The following CCDC172 variants were observed in gnomAD, a reference collection of about 807,000 sequenced individuals.
The protein encoded by CCDC172 is coiled-coil domain containing 172.
In CCDC172, 30 loss-of-function variants were observed where a neutral mutation model predicts 38.0. The ratio of observed to expected loss-of-function variants is 0.79; its 90% CI spans 0.59 to 1.07. CCDC172 has a LOEUF of 1.07. CCDC172 is among the 50% of genes least tolerant of loss of function. The pLI is 0.00. For synonymous variants in CCDC172, 78 were observed against 88.3 expected (o/e 0.88, Z 0.66); for missense variants, 297 against 290.1 (o/e 1.02, Z -0.17).
intron 3 of CCDC172, among the ~76,000 whole-genome samples, chr10:116,326,568 G>T (rs1441351399): frequency 1.3e-5 from 2 of 152,100 alleles, no homozygotes; most frequent in African/African-American, 2.4e-5. Flanking sequence ...TCCAGGTGTT[G>T]CTCAAACATC....
chr10:116,357,119 AT>A (rs1177315931), intron 5 of CCDC172, among the ~76,000 whole-genome samples: 1 of 151,628 alleles, frequency 6.6e-6, no homozygotes, highest in African/African-American at 2.4e-5. Context: ...TTTAGGATTG[AT>A]TTTTTTTCTA....
intron 5 of CCDC172, among the ~76,000 whole-genome samples, chr10:116,351,150 T>G (rs1195943202): frequency 1.3e-5 from 2 of 152,196 alleles, no homozygotes; most frequent in African/African-American, 2.4e-5. Context: ...GCCTAAGTTT[T>G]ACAAAGATTT....
chr10:116,327,247 T>C (rs1231849813), intron 3 of CCDC172, among the ~76,000 whole-genome samples: 1 of 152,162 alleles, frequency 6.6e-6, no homozygotes, highest in Non-Finnish European at 1.5e-5. Context: ...AATTGAGTAA[T>C]AACAGCATAT....
chr10:116,357,389 C>A lies in CCDC172; in HGVS notation c.458C>A (p.Ser153Ter). Residue 153 changes from serine (S) to a stop codon, truncating the protein, a stop_gained, in exon 6 of 9, where the codon TCA becomes TAA. Coordinates refer to ENST00000333254, the MANE Select transcript of CCDC172 (RefSeq NM_198515.3). LOFTEE classifies it high-confidence loss of function. The stretch of plus-strand genomic sequence containing the variant: ...TTGTATCTGTTTCTAGAAATGAAGT[C>A]AATGGAACATGATAGTAGCCAGTTA... ...QANMLKSEMK[S>*]MEHDSSQLNE... 1 of 1,549,750 alleles carries A rather than the reference C, an allele frequency of 6.5e-7. No individual in the cohort carries two copies. Among genetic ancestry groups the A allele is most frequent in the South Asian group, 1.2e-5 (1 of 81,494 alleles).
At chr10:116,350,098 A>G (rs1028139307) in intron 5 of CCDC172, among the ~76,000 whole-genome samples, 1 of 152,154 alleles carries the variant, frequency 6.6e-6, no homozygotes. Context: ...AGGTCATGAG[A>G]TCAGAGAGGT....
intron 7 of CCDC172, among the ~76,000 whole-genome samples, chr10:116,369,943 C>T (rs1399617831): frequency 6.6e-6 from 1 of 151,862 alleles, no homozygotes; most frequent in Non-Finnish European, 1.5e-5. Context: ...ATATTTGCAA[C>T]TCTTCATTAT....
intron 7 of CCDC172, among the ~76,000 whole-genome samples, chr10:116,371,956 C>G (rs565393141): frequency 1.3e-5 from 2 of 152,084 alleles, no homozygotes; most frequent in African/African-American, 4.8e-5. Flanking sequence ...TTTCCCTACA[C>G]GGGGAAAGAC....
In CCDC172 at chr10:116,379,315, C is replaced by A. The variant is rs1407394581; in HGVS notation, c.742-8C>A. The A allele has an allele frequency of 1.3e-6, 2 of 1,557,788 alleles. No homozygotes were observed. The highest frequency in any genetic ancestry group is 1.4e-5 in the African/African-American group (1 of 73,006). ...TCCTCATGAGTAATTACTATGTTTT[C>A]TTTTCAGACATTGGCACAGAAAGAT... On this transcript the variant is annotated splice_region_variant and splice_polypyrimidine_tract_variant and intron_variant, in intron 8 of 8. Coordinates refer to ENST00000333254, the MANE Select transcript of CCDC172 (RefSeq NM_198515.3).
chr10:116,361,060 T>C (rs1172680549), intron 7 of CCDC172, among the ~76,000 whole-genome samples: 1 of 147,474 alleles, frequency 6.8e-6, no homozygotes, highest in Non-Finnish European at 1.5e-5. Context: ...TTATTATTAT[T>C]ATTATTATTA....
chr10:116,331,199 T>G (rs1412665896), intron 3 of CCDC172, among the ~76,000 whole-genome samples: 1 of 152,170 alleles, frequency 6.6e-6, no homozygotes, highest in African/African-American at 2.4e-5. Flanking sequence ...TGTTTAAAAA[T>G]TTTTCAGTTT....
intron 7 of CCDC172, among the ~76,000 whole-genome samples, chr10:116,366,417 G>A (rs1845122961): frequency 6.6e-6 from 1 of 151,978 alleles, no homozygotes; most frequent in South Asian, 2.1e-4. Context: ...TTTACAGCAT[G>A]CATTTATCAT....
rs1044966764 is a variant in CCDC172 at position 116,357,310 on chromosome 10, G to A, written c.449-70G>A. 7 of 921,428 alleles carry A rather than the reference G, an allele frequency of 7.6e-6. No individual in the cohort carries two copies. The African/African-American group carries it at 1.1e-4, about 14-fold the overall frequency. The allele number at this position is 921,428 out of a possible 1,614,324, so 57.1% of individuals were successfully genotyped here. ...TGTGTTTTATAGTTTTTAGTGTACA[G>A]GTCTTTTACTTCCGGGGTTAAATTT... On this transcript the variant is annotated intron_variant, in intron 5 of 8. Coordinates refer to ENST00000333254, the MANE Select transcript of CCDC172 (RefSeq NM_198515.3).
Position 116,325,324 on chromosome 10 carries a change from G to C in CCDC172, c.101G>C (p.Cys34Ser). The C allele has an allele frequency of 6.2e-7, 1 of 1,613,714 alleles. No individual in the cohort carries two copies. The highest frequency in any genetic ancestry group is 8.5e-7 in the Non-Finnish European group (1 of 1,179,722). Residue 34 changes from cysteine to serine, a missense_variant, in exon 3 of 9, where the codon TGT becomes TCT. Coordinates refer to ENST00000333254, the MANE Select transcript of CCDC172 (RefSeq NM_198515.3). ...MREVRSEITRCREKIKKATEE... is the reference protein window; with the variant it reads ...MREVRSEITRSREKIKKATEE... ...ACAGTAAGGTCGGAAATAACCAGAT[G>C]TCGTGAAAAAATTAAGAAAGCAACG...
At chr10:116,364,466 A>G (rs1299347795) in intron 7 of CCDC172, among the ~76,000 whole-genome samples, 2 of 152,148 alleles carry the variant, frequency 1.3e-5, no homozygotes, top group African/African-American at 4.8e-5. Flanking sequence ...TAAGGAAGAC[A>G]ATGCTAAGTA....
intron 5 of CCDC172, among the ~76,000 whole-genome samples, chr10:116,352,622 G>C (rs1844944630): frequency 6.6e-6 from 1 of 152,012 alleles, no homozygotes; most frequent in Non-Finnish European, 1.5e-5. Flanking sequence ...TCCTCAATCT[G>C]ATAGAGGGCA....
At chr10:116,357,687 A>G in intron 6 of CCDC172, 149 bp from the exon 7 acceptor site, 1 of 656,174 alleles carries the variant, frequency 1.5e-6, no homozygotes. Context: ...TGTGCATGTA[A>G]TTGCTATATT....
chr10:116,374,490 G>GTATATA (rs60781436), intron 7 of CCDC172, among the ~76,000 whole-genome samples: 74 of 150,232 alleles, frequency 4.9e-4, no homozygotes, highest in African/African-American at 1.4e-3. Context: ...TTTATCATAG[G>GTATATA]TATATATATA....
At chr10:116,375,532 G>A (rs1845234936) in intron 7 of CCDC172, among the ~76,000 whole-genome samples, 1 of 148,192 alleles carries the variant, frequency 6.7e-6, no homozygotes, top group African/African-American at 2.5e-5. Flanking sequence ...ACTTATGAGT[G>A]AGAACATGCG....
chr10:116,331,620 C>T (rs1017961891), intron 3 of CCDC172, among the ~76,000 whole-genome samples: 5 of 152,020 alleles, frequency 3.3e-5, no homozygotes. Context: ...TTTCTATTTT[C>T]CTCTGCCTTG....
Sources: allele counts gnomAD v4.1 joint callset (sites outside exome capture counted in the v4.1 genomes callset), GRCh38; gene constraint gnomAD v4.1.1; transcripts MANE v1.5; gene names NCBI Gene and HGNC (gene_info 2026-07-23, HGNC 2026-07-21).